Variants in ZFAND3 observed in about 807,000 individuals in gnomAD.
ZFAND3 encodes zinc finger AN1-type containing 3.
A neutral mutation model predicts 29.6 loss-of-function variants in ZFAND3; 10 were observed. The ratio of observed to expected loss-of-function variants is 0.34; its 90% confidence interval spans 0.21 to 0.57. ZFAND3 has a LOEUF of 0.57. Among genes scored for constraint, ZFAND3 ranks in the 20% least tolerant of loss-of-function variants. ZFAND3 has a pLI of 0.86. For synonymous variants in ZFAND3, 128 were observed against 112.6 expected, an observed-to-expected ratio of 1.14 and a Z score of -0.87; for missense variants, 230 against 304.5, an observed-to-expected ratio of 0.76 and a Z score of 1.82.
chr6:37,846,647 C>G (rs1180220335), intron 1 of ZFAND3, among the ~76,000 whole-genome samples: 1 of 151,728 alleles, frequency 6.6e-6, no homozygotes, highest in East Asian at 1.9e-4. Context: ...AGAGGTGGAG[C>G]TGGAACTCAA....
intron 1 of ZFAND3, among the ~76,000 whole-genome samples, chr6:37,875,847 T>A (rs530156958): frequency 4.0e-4 from 60 of 151,554 alleles, no homozygotes; most frequent in South Asian, 2.5e-3. Flanking sequence ...TTTTTTTTTT[T>A]ATTGGTAAAG....
chr6:38,045,077 T>TATTTATTTATTTATTA (rs1261260565), intron 2 of ZFAND3, among the ~76,000 whole-genome samples: 1 of 148,342 alleles, frequency 6.7e-6, no homozygotes, highest in Non-Finnish European at 1.5e-5. Flanking sequence ...TTTATTTATT[T>TATTTATTTATTTATTA]ATTTATTTAT....
At chr6:37,858,309 G>A (rs896957258) in intron 1 of ZFAND3, among the ~76,000 whole-genome samples, 3 of 152,188 alleles carry the variant, frequency 2.0e-5, no homozygotes, top group Non-Finnish European at 4.4e-5. Flanking sequence ...ACTTTTCCTG[G>A]GGAGGGGATG....
chr6:37,891,375 T>G (rs998490209), intron 1 of ZFAND3, among the ~76,000 whole-genome samples: 3 of 145,970 alleles, frequency 2.1e-5, no homozygotes, highest in African/African-American at 8.0e-5. Context: ...GAAGCAAAAC[T>G]GACAGAAATG....
At chr6:38,148,681 A>G (rs1766158392) in intron 5 of ZFAND3, among the ~76,000 whole-genome samples, 1 of 152,206 alleles carries the variant, frequency 6.6e-6, no homozygotes, top group Admixed American at 6.5e-5. Context: ...CAGATCTGTG[A>G]GTACCAAGAA....
At chr6:38,152,091 T>C in intron 5 of ZFAND3, 144 bp from the exon 6 acceptor site, 1 of 732,836 alleles carries the variant, frequency 1.4e-6, no homozygotes, top group Non-Finnish European at 2.1e-6. Flanking sequence ...GAGTGAGCTC[T>C]CTGCTGCATC....
chr6:38,109,150 T>C (rs1473635652), intron 4 of ZFAND3, among the ~76,000 whole-genome samples: 1 of 149,928 alleles, frequency 6.7e-6, no homozygotes, highest in Non-Finnish European at 1.5e-5. Flanking sequence ...AACCTTGCCC[T>C]CTAAAACTGT....
chr6:38,122,085 A>G (rs1393784527), intron 5 of ZFAND3, among the ~76,000 whole-genome samples: 1 of 152,156 alleles, frequency 6.6e-6, no homozygotes, highest in Non-Finnish European at 1.5e-5. Flanking sequence ...TGTTACTGGC[A>G]TGGACTCATG....
At chr6:38,046,155 G>A (rs1285290853) in intron 2 of ZFAND3, among the ~76,000 whole-genome samples, 1 of 152,076 alleles carries the variant, frequency 6.6e-6, no homozygotes, top group Non-Finnish European at 1.5e-5. Flanking sequence ...TCAGACTAAT[G>A]CAAGATCTAA....
chr6:38,134,258 T>C (rs1256185001), intron 5 of ZFAND3, among the ~76,000 whole-genome samples: 1 of 152,236 alleles, frequency 6.6e-6, no homozygotes, highest in Non-Finnish European at 1.5e-5. Context: ...TGAGTGCTAA[T>C]TCATATCCTC....
At chr6:37,876,651 C>G (rs1405797101) in intron 1 of ZFAND3, among the ~76,000 whole-genome samples, 3 of 152,114 alleles carry the variant, frequency 2.0e-5, no homozygotes, top group Admixed American at 2.0e-4. Flanking sequence ...AATTCGTACT[C>G]TAAGAATTTG....
Position 38,116,652 on chromosome 6 carries a change from C to A in ZFAND3, c.442C>A (p.Arg148=). The change falls in exon 5 of 6, where the codon CGA becomes AGA. Residue 148 remains arginine (R), a synonymous_variant. Coordinates refer to ENST00000287218, the MANE Select transcript of ZFAND3 (RefSeq NM_021943.3). The part of the protein sequence containing the change: ...ENTERSEETS[R]SKQKSRRRCF... The stretch of plus-strand genomic sequence containing the variant: ...TACGGAACGGTCCGAGGAAACCAGT[C>A]GATCTAAACAGAAGAGTCGACGTCG... 3 of 1,614,144 alleles carry A rather than the reference C, an allele frequency of 1.9e-6. No homozygotes were observed. Among genetic ancestry groups the A allele is most frequent in the Non-Finnish European group, 2.5e-6 (3 of 1,180,004 alleles).
At chr6:38,064,583 T>C (rs1764305248) in intron 3 of ZFAND3, among the ~76,000 whole-genome samples, 1 of 151,982 alleles carries the variant, frequency 6.6e-6, no homozygotes. Flanking sequence ...GAATGCTTTC[T>C]CTCCCTGTCA....
chr6:37,868,663 T>C (rs1764634339), intron 1 of ZFAND3, among the ~76,000 whole-genome samples: 1 of 152,190 alleles, frequency 6.6e-6, no homozygotes, highest in African/African-American at 2.4e-5. Context: ...CCTGCAGTAT[T>C]ATGGTGTGGG....
chr6:37,838,831 A>G (rs1449444915), intron 1 of ZFAND3, among the ~76,000 whole-genome samples: 1 of 152,194 alleles, frequency 6.6e-6, no homozygotes, highest in Non-Finnish European at 1.5e-5. Context: ...TTATTTGAAT[A>G]CCTAGGAGGG....
intron 4 of ZFAND3, among the ~76,000 whole-genome samples, chr6:38,103,901 T>TAACACAACAATGCAAC (rs1416035252): frequency 6.6e-6 from 1 of 152,222 alleles, no homozygotes; most frequent in African/African-American, 2.4e-5. Context: ...CAATGCATTG[T>TAACACAACAATGCAAC]AATGTTGTTG....
At chr6:38,096,033 C>G (rs896362088) in intron 4 of ZFAND3, among the ~76,000 whole-genome samples, 6 of 146,870 alleles carry the variant, frequency 4.1e-5, no homozygotes, top group African/African-American at 1.5e-4. Context: ...GATGCTGTTT[C>G]AAAAAAAAAA....
intron 1 of ZFAND3, among the ~76,000 whole-genome samples, chr6:37,868,737 C>A (rs1189669140): frequency 1.3e-5 from 2 of 152,120 alleles, no homozygotes; most frequent in Non-Finnish European, 2.9e-5. Context: ...CATGATGAAT[C>A]ATTTTTAAAT....
At chr6:37,892,962 AG>A (rs1170250658) in intron 1 of ZFAND3, among the ~76,000 whole-genome samples, 2 of 152,194 alleles carry the variant, frequency 1.3e-5, no homozygotes, top group Non-Finnish European at 2.9e-5. Flanking sequence ...GTAATTAAAA[AG>A]CTACCTCTTA....
Sources: gnomAD v4.1 joint callset for allele counts (sites outside exome capture counted in the v4.1 genomes callset) on GRCh38, gnomAD v4.1.1 for gene constraint, MANE v1.5 for transcripts, NCBI Gene and HGNC (gene_info 2026-07-23, HGNC 2026-07-21) for gene names.